The following PAX2 variants were observed in gnomAD, a reference collection of about 807,000 sequenced individuals.
PAX2 encodes the protein paired box 2.
Under a neutral mutation model 41.7 loss-of-function variants are expected in PAX2, and 9 were observed. The observed-to-expected ratio is 0.22, with a 90% CI of 0.13 to 0.38. PAX2 has a LOEUF of 0.38. Among genes scored for constraint, PAX2 ranks in the 10% least tolerant of loss-of-function variants. The pLI is 1.00. For synonymous variants in PAX2, 221 were observed against 212.7 expected, an observed-to-expected ratio of 1.04 and a Z score of -0.34; for missense variants, 418 against 531.6, an observed-to-expected ratio of 0.79 and a Z score of 2.10.
chr10:100,796,899 ACCTAACTTCTCTGAG>A (rs1446444316), intron 5 of PAX2, among the ~76,000 whole-genome samples: 1 of 152,238 alleles, frequency 6.6e-6, no homozygotes, highest in Non-Finnish European at 1.5e-5. Flanking sequence ...TGGGAAAATT[ACCTAACTTCTCTGAG>A]CCTGGCTTTT....
chr10:100,826,306 G>A lies in PAX2; in HGVS notation c.1022-703G>A, dbSNP rs1038689435. On this transcript the variant is annotated intron_variant, in intron 8 of 9. Coordinates refer to ENST00000355243, the MANE Select transcript of PAX2 (RefSeq NM_000278.5). This position sits in a 1 kb window ranked among gnomAD's most constrained non-coding sequence, Gnocchi z 5.5. ...AACAGTCTGGGGTCATCACACAGGA[G>A]AAAGGGCGAGGGGGAAACCTGGAGG... 1.3e-5 allele frequency among the ~76,000 whole-genome samples: 2 copies of A among 151,678 alleles called. No individual in the cohort carries two copies. Among genetic ancestry groups the A allele is most frequent in the Non-Finnish European group, 2.9e-5 (2 of 67,930 alleles).
intron 5 of PAX2, among the ~76,000 whole-genome samples, chr10:100,794,048 T>G (rs1266549546): frequency 6.6e-6 from 1 of 152,020 alleles, no homozygotes; most frequent in Non-Finnish European, 1.5e-5. Context: ...GTGGCTGAGA[T>G]TGAGAGAGGC....
At chr10:100,804,033 T>C (rs928748933) in intron 5 of PAX2, among the ~76,000 whole-genome samples, 2 of 152,106 alleles carry the variant, frequency 1.3e-5, no homozygotes, top group Admixed American at 1.3e-4. Context: ...ATACGCACAA[T>C]GAGTTGAGGC....
In PAX2 at chr10:100,791,757, G is replaced by A. The variant is rs189545740; in HGVS notation, c.616+10392G>A. On this transcript the variant is annotated intron_variant, in intron 5 of 9. Transcript: ENST00000355243. This position sits in a 1 kb window ranked among gnomAD's most constrained non-coding sequence, Gnocchi z 4.5. Reference sequence around the variant, plus strand: ...TTTGGTAGGAGTGACTCCAGGAGCCGTTCTTTCCTCCTTTCTTCCCTCCTC... The same window carrying A: ...TTTGGTAGGAGTGACTCCAGGAGCCATTCTTTCCTCCTTTCTTCCCTCCTC... 2.6e-4 allele frequency among the ~76,000 whole-genome samples: 40 copies of A among 152,294 alleles called. No homozygotes were observed. The highest frequency in any genetic ancestry group is 5.8e-4 in the East Asian group (3 of 5,170).
At position 100,824,498 on chromosome 10, in the gene PAX2, C is replaced by T. The variant is rs1848481074; in HGVS notation, c.920-150C>T. 4 of 714,684 alleles carry T rather than the reference C, an allele frequency of 5.6e-6. No homozygotes were observed. The highest frequency in any genetic ancestry group is 1.0e-5 in the Non-Finnish European group (4 of 391,724). The allele number at this position is 714,684 out of a possible 1,614,324, so 44.3% of individuals were successfully genotyped here. On this transcript the variant is annotated intron_variant, in intron 7 of 9. Transcript: ENST00000355243. This position sits in a 1 kb window ranked among gnomAD's most constrained non-coding sequence, Gnocchi z 6.6. ...CATGCAAAGGCACACTCAGATGGCGCATTCAGGTGCACAGTGGCACACATA... is the reference window on the plus strand; with the variant it reads ...CATGCAAAGGCACACTCAGATGGCGTATTCAGGTGCACAGTGGCACACATA...
Position 100,824,353 on chromosome 10 carries a change from TACACACACACACACAC to T in PAX2, c.920-267_920-252del, listed in dbSNP as rs61572589. Among the ~76,000 whole-genome samples, 477 of 135,572 alleles carry T rather than the reference TACACACACACACACAC, an allele frequency of 3.5e-3. 4 individuals are homozygous for T. The highest frequency in any genetic ancestry group is 0.012 in the African/African-American group (439 of 36,760). 88.9% of individuals were successfully genotyped at this position (135,572 alleles called of 152,430 possible). A position where few individuals can be genotyped will look rare whatever the true frequency, so the allele number is the denominator to read the frequency against. On this transcript the variant is annotated intron_variant, in intron 7 of 9. Transcript: ENST00000355243. The surrounding 1 kb of genome is among the most constrained non-coding windows in gnomAD (Gnocchi z 6.6). ...GCACAGAGACACAGGCAAAGGCAGA[TACACACACACACACAC>T]ACACACACACACACACACACACACA...
intron 5 of PAX2, among the ~76,000 whole-genome samples, chr10:100,800,649 C>A (rs1847529187): frequency 6.6e-6 from 1 of 152,154 alleles, no homozygotes; most frequent in South Asian, 2.1e-4. Flanking sequence ...TGTCCCTAGC[C>A]CTGTTCCCAA....
chr10:100,806,158 C>A (rs927909832), intron 5 of PAX2, among the ~76,000 whole-genome samples: 3 of 152,180 alleles, frequency 2.0e-5, no homozygotes, highest in Admixed American at 6.5e-5. Context: ...CTGGCTCCAC[C>A]TCTGCCTAAT....
chr10:100,776,838 C>T (rs1352386656), intron 3 of PAX2, among the ~76,000 whole-genome samples: 1 of 152,250 alleles, frequency 6.6e-6, no homozygotes, highest in Non-Finnish European at 1.5e-5. Context: ...GGTTGCCAAA[C>T]TCTGACCATT....
chr10:100,804,935 GT>G (rs1346727683), intron 5 of PAX2, among the ~76,000 whole-genome samples: 3 of 150,058 alleles, frequency 2.0e-5, no homozygotes, highest in African/African-American at 7.4e-5. Context: ...TGTGGTCCTG[GT>G]CTTGATCTCT....
Position 100,748,370 on chromosome 10 carries a change from C to T in PAX2, c.44-1376C>T. On this transcript the variant is annotated intron_variant, in intron 1 of 9. Coordinates refer to ENST00000355243, the MANE Select transcript of PAX2 (RefSeq NM_000278.5). This position sits in a 1 kb window ranked among gnomAD's most constrained non-coding sequence, Gnocchi z 5.0. The stretch of plus-strand genomic sequence containing the variant: ...GTAAAAGAAGGGGCTTCAGTCTCTC[C>T]CAGCAACGCGATCAGAGGTCTTTCC... The T allele has an allele frequency of 7.1e-6, 7 of 984,276 alleles. No individual in the cohort carries two copies. The highest frequency in any genetic ancestry group is 8.4e-6 in the Non-Finnish European group (7 of 829,356). The allele number at this position is 984,276 out of a possible 1,614,324, so 61.0% of individuals were successfully genotyped here.
chr10:100,760,588 CTG>C (rs1845805635), intron 3 of PAX2, among the ~76,000 whole-genome samples: 3 of 152,146 alleles, frequency 2.0e-5, no homozygotes, highest in African/African-American at 7.2e-5. Context: ...ACTAGGAGAA[CTG>C]GAAGCAGTTG....
chr10:100,761,534 C>T (rs1433171800), intron 3 of PAX2, among the ~76,000 whole-genome samples: 3 of 152,122 alleles, frequency 2.0e-5, no homozygotes, highest in East Asian at 1.9e-4. Flanking sequence ...TTAGAAAAGG[C>T]GATTCCAGCA....
Position 100,746,239 on chromosome 10 carries a change from G to A in PAX2, c.-22G>A, listed in dbSNP as rs1280922219. On this transcript the variant is annotated 5_prime_UTR_variant, in exon 1 of 10. Coordinates refer to ENST00000355243, the MANE Select transcript of PAX2 (RefSeq NM_000278.5). The stretch of plus-strand genomic sequence containing the variant: ...GCGACACGGCGGCGGCGGCCGCGCT[G>A]CTCCCGCTCCTCTGCCTCCCCATGG... 3 of 1,613,210 alleles carry A rather than the reference G, an allele frequency of 1.9e-6. No homozygotes were observed. The highest frequency in any genetic ancestry group is 2.5e-6 in the Non-Finnish European group (3 of 1,179,796).
In PAX2 at chr10:100,778,384, A is replaced by G. The variant is rs1020222192; in HGVS notation, c.411-1114A>G. On this transcript the variant is annotated intron_variant, in intron 3 of 9. Transcript: ENST00000355243. ...ACTAACTACCTGATTCCCTCGGGTA[A>G]CTGAGCTTTTTTGGGGATTAAGTCT... 1.2e-4 allele frequency among the ~76,000 whole-genome samples: 19 copies of G among 152,270 alleles called. No homozygotes were observed. In the East Asian group the frequency reaches 3.7e-3, roughly 29 times the overall value.
chr10:100,807,600 A>G (rs934985160), intron 6 of PAX2, among the ~76,000 whole-genome samples: 4 of 152,338 alleles, frequency 2.6e-5, no homozygotes, highest in African/African-American at 7.2e-5. Context: ...GCATGGAGCC[A>G]GTGGGTGTGT....
At chr10:100,776,888 CT>C (rs1846405939) in intron 3 of PAX2, among the ~76,000 whole-genome samples, 1 of 152,110 alleles carries the variant, frequency 6.6e-6, no homozygotes, top group Non-Finnish European at 1.5e-5. Context: ...CCTTTCTTTC[CT>C]GAGACCAGCT....
intron 5 of PAX2, chr10:100,787,030 A>C: frequency 7.4e-7 from 1 of 1,351,414 alleles, no homozygotes; most frequent in South Asian, 1.1e-5. Context: ...GCCAGAGGGA[A>C]CATGGCGTGG....
rs576053595 is a variant in PAX2 at position 100,805,518 on chromosome 10, C to T, written c.617-912C>T. ...TTGCCTACTGTACACCTTGAAAACT[C>T]CAAGGAACCGACGCTGGGAGGCAAG... On this transcript the variant is annotated intron_variant, in intron 5 of 9. Coordinates refer to ENST00000355243, the MANE Select transcript of PAX2 (RefSeq NM_000278.5). 1.4e-4 allele frequency among the ~76,000 whole-genome samples: 21 copies of T among 152,236 alleles called. No homozygotes were observed. The South Asian group carries it at 3.1e-3, about 23-fold the overall frequency.
Sources: gnomAD v4.1 joint callset for allele counts (sites outside exome capture counted in the v4.1 genomes callset) on GRCh38, gnomAD v4.1.1 for gene constraint, Gnocchi (gnomAD v3.1) non-coding constraint, MANE v1.5 for transcripts, NCBI Gene and HGNC (gene_info 2026-07-23, HGNC 2026-07-21) for gene names.